The following VWC2L variants were observed in gnomAD, a reference collection of about 807,000 sequenced individuals.
VWC2L encodes the protein von Willebrand factor C domain containing 2 like, also known as von Willebrand factor C domain-containing protein 2-like.
In VWC2L, 10 loss-of-function variants were observed where a neutral mutation model predicts 21.6. The observed-to-expected ratio is 0.46, with a 90% CI of 0.29 to 0.78. The LOEUF (loss-of-function observed/expected upper bound fraction) is 0.78. Ranked by LOEUF, VWC2L falls within the 30% of genes least tolerant of loss-of-function variation. The pLI is 0.10. For missense variants in VWC2L, 209 were observed against 277.1 expected (o/e 0.75, Z 1.74); for synonymous variants, 96 against 94.3 (o/e 1.02, Z -0.10).
chr2:214,460,006 C>T (rs1317551764), intron 3 of VWC2L, among the ~76,000 whole-genome samples: 2 of 139,504 alleles, frequency 1.4e-5, no homozygotes, highest in Non-Finnish European at 3.0e-5. Flanking sequence ...CTCCCAGGTT[C>T]GAGTAACTCT....
intron 3 of VWC2L, among the ~76,000 whole-genome samples, chr2:214,521,280 A>ATCAAT (rs1264716405): frequency 6.8e-4 from 100 of 147,084 alleles, no homozygotes; most frequent in Admixed American, 8.9e-4. Context: ...AATAAATAAA[A>ATCAAT]CTACCAAGTT....
At chr2:214,549,731 C>T (rs953876073) in intron 3 of VWC2L, among the ~76,000 whole-genome samples, 1 of 152,214 alleles carries the variant, frequency 6.6e-6, no homozygotes, top group Non-Finnish European at 1.5e-5. Flanking sequence ...CGAGATCGTG[C>T]CACTGCACTC....
intron 3 of VWC2L, among the ~76,000 whole-genome samples, chr2:214,463,841 T>C (rs1247625122): frequency 6.6e-6 from 1 of 152,122 alleles, no homozygotes; most frequent in Non-Finnish European, 1.5e-5. Flanking sequence ...TGCTTCATTT[T>C]TTATTCTTTT....
At chr2:214,541,721 A>G (rs992882716) in intron 3 of VWC2L, among the ~76,000 whole-genome samples, 7 of 152,178 alleles carry the variant, frequency 4.6e-5, no homozygotes, top group African/African-American at 1.7e-4. Flanking sequence ...GACAATTAGC[A>G]TGTACGAGAC....
chr2:214,440,492 T>C (rs1702749412), intron 3 of VWC2L, among the ~76,000 whole-genome samples: 1 of 152,086 alleles, frequency 6.6e-6, no homozygotes, highest in South Asian at 2.1e-4. Flanking sequence ...TATGGATTTT[T>C]GTTTTTATGG....
intron 3 of VWC2L, among the ~76,000 whole-genome samples, chr2:214,471,943 A>C (rs1406515344): frequency 2.6e-5 from 4 of 152,182 alleles, no homozygotes. Context: ...CTTTAGGCCT[A>C]CGTAAATTAA....
At chr2:214,426,171 CAAA>C (rs34411661) in intron 2 of VWC2L, among the ~76,000 whole-genome samples, 13 of 69,966 alleles carry the variant, frequency 1.9e-4, no homozygotes, top group African/African-American at 5.0e-4. Context: ...GGCTTCGTCT[CAAA>C]AAAAAAAAAA....
chr2:214,451,320 G>C (rs562859660), intron 3 of VWC2L, among the ~76,000 whole-genome samples: 8 of 141,946 alleles, frequency 5.6e-5, no homozygotes, highest in Non-Finnish European at 9.3e-5. Flanking sequence ...GGGGGGGGGG[G>C]CAGTAAAAGC....
At chr2:214,487,550 G>A (rs562457198) in intron 3 of VWC2L, among the ~76,000 whole-genome samples, 6 of 152,274 alleles carry the variant, frequency 3.9e-5, no homozygotes, top group Admixed American at 2.0e-4. Context: ...AAACATGCAG[G>A]AGAGAATAAG....
chr2:214,413,854 C>A (rs1408468211), intron 1 of VWC2L, among the ~76,000 whole-genome samples: 5 of 152,080 alleles, frequency 3.3e-5, no homozygotes, highest in Non-Finnish European at 7.4e-5. Flanking sequence ...TAGATAAAGC[C>A]AGACCTATGA....
At chr2:214,514,188 C>T (rs1400502499) in intron 3 of VWC2L, among the ~76,000 whole-genome samples, 4 of 151,050 alleles carry the variant, frequency 2.6e-5, no homozygotes, top group Non-Finnish European at 4.4e-5. Context: ...ATTTACTTAA[C>T]GTTTTAATTT....
At chr2:214,462,104 G>A (rs1014263706) in intron 3 of VWC2L, among the ~76,000 whole-genome samples, 11 of 152,180 alleles carry the variant, frequency 7.2e-5, no homozygotes, top group African/African-American at 2.7e-4. Flanking sequence ...GCAGGATGCG[G>A]TCTAGTGGAA....
At chr2:214,515,182 A>C (rs1443544353) in intron 3 of VWC2L, among the ~76,000 whole-genome samples, 1 of 152,194 alleles carries the variant, frequency 6.6e-6, no homozygotes, top group Non-Finnish European at 1.5e-5. Context: ...GTATGATTGC[A>C]TACTCCTTTT....
intron 1 of VWC2L, among the ~76,000 whole-genome samples, chr2:214,413,395 T>G (rs1702306011): frequency 6.6e-6 from 1 of 152,094 alleles, no homozygotes; most frequent in South Asian, 2.1e-4. Flanking sequence ...ATAAATTTGT[T>G]TTTAACAAAC....
At chr2:214,432,796 T>C (rs1702619322) in intron 2 of VWC2L, among the ~76,000 whole-genome samples, 1 of 151,874 alleles carries the variant, frequency 6.6e-6, no homozygotes, top group Admixed American at 6.6e-5. Flanking sequence ...CCAAGGTGGG[T>C]GGATCATTTG....
intron 3 of VWC2L, among the ~76,000 whole-genome samples, chr2:214,515,950 C>T (rs576093873): frequency 6.6e-6 from 1 of 152,168 alleles, no homozygotes; most frequent in African/African-American, 2.4e-5. Context: ...TTCTTTCTAC[C>T]TCTTTATGCT....
At chr2:214,483,452 C>T (rs1688633945) in intron 3 of VWC2L, among the ~76,000 whole-genome samples, 1 of 151,736 alleles carries the variant, frequency 6.6e-6, no homozygotes, top group African/African-American at 2.4e-5. Flanking sequence ...TTGAAAACTG[C>T]AGTGTGACAG....
intron 1 of VWC2L, among the ~76,000 whole-genome samples, chr2:214,412,734 A>T (rs1460025885): frequency 2.0e-5 from 3 of 152,072 alleles, no homozygotes; most frequent in Non-Finnish European, 4.4e-5. Flanking sequence ...TAGTTTATGA[A>T]GTTTCCTAAT....
At chr2:214,422,845 T>C (rs571958860) in intron 2 of VWC2L, among the ~76,000 whole-genome samples, 37 of 152,294 alleles carry the variant, frequency 2.4e-4, no homozygotes, top group South Asian at 1.9e-3. Flanking sequence ...GATGACATTA[T>C]TCTATGGCTG....
Sources: allele counts gnomAD v4.1 joint callset (sites outside exome capture counted in the v4.1 genomes callset), GRCh38; gene constraint gnomAD v4.1.1; transcripts MANE v1.5; gene names NCBI Gene and HGNC (gene_info 2026-07-23, HGNC 2026-07-21).